SYT1: variants seen among roughly 807,000 people sequenced by gnomAD.
The protein encoded by SYT1 is synaptotagmin-1.
SYT1 carries 8 observed loss-of-function variants against 44.8 expected under a neutral mutation model. The observed-to-expected ratio is 0.18, with a 90% CI of 0.10 to 0.32. The LOEUF (loss-of-function observed/expected upper bound fraction) is 0.32, where lower values mean the gene tolerates loss of function less well. Among genes scored for constraint, SYT1 ranks in the 10% least tolerant of loss-of-function variants. The pLI, the probability that SYT1 is intolerant of heterozygous loss-of-function variation, is 1.00. For synonymous variants in SYT1, 154 were observed against 188.8 expected (o/e 0.82, Z 1.51); for missense variants, 286 against 509.3 (o/e 0.56, Z 4.22).
At chr12:79,098,542 T>C (rs1878277220) in intron 3 of SYT1, among the ~76,000 whole-genome samples, 2 of 152,154 alleles carry the variant, frequency 1.3e-5, no homozygotes. Context: ...GTTATAAAGA[T>C]GTGGTTTCAA....
intron 8 of SYT1, among the ~76,000 whole-genome samples, chr12:79,316,521 C>A (rs1190667019): frequency 6.6e-6 from 1 of 152,132 alleles, no homozygotes; most frequent in Non-Finnish European, 1.5e-5. Context: ...ATGTATCACA[C>A]TTCTTTAAAG....
At chr12:79,420,826 C>A (rs1265980484) in intron 9 of SYT1, among the ~76,000 whole-genome samples, 1 of 152,088 alleles carries the variant, frequency 6.6e-6, no homozygotes, top group East Asian at 1.9e-4. Context: ...TGTTTTTCTT[C>A]TAGAATAAAA....
intron 3 of SYT1, among the ~76,000 whole-genome samples, chr12:79,170,127 T>C (rs1871430747): frequency 1.3e-5 from 2 of 152,144 alleles, no homozygotes; most frequent in Non-Finnish European, 2.9e-5. Flanking sequence ...ATTCCATATC[T>C]TTGCTATTGT....
intron 4 of SYT1, among the ~76,000 whole-genome samples, chr12:79,224,821 C>A (rs972722359): frequency 8.1e-5 from 12 of 147,886 alleles, no homozygotes; most frequent in African/African-American, 3.0e-4. Flanking sequence ...CTCTTGTTAC[C>A]CAGGCTGGAA....
intron 8 of SYT1, among the ~76,000 whole-genome samples, chr12:79,307,713 T>G (rs941521390): frequency 2.0e-5 from 3 of 152,158 alleles, no homozygotes; most frequent in Non-Finnish European, 4.4e-5. Context: ...GGCAGTCTTC[T>G]GGAGGAGAAG....
intron 8 of SYT1, among the ~76,000 whole-genome samples, chr12:79,331,106 T>C (rs1881835722): frequency 6.6e-6 from 1 of 152,220 alleles, no homozygotes; most frequent in African/African-American, 2.4e-5. Flanking sequence ...AGAAGTGTTC[T>C]TAATTTATAA....
chr12:78,975,203 T>C (rs1181295656), intron 1 of SYT1, among the ~76,000 whole-genome samples: 2 of 151,602 alleles, frequency 1.3e-5, no homozygotes, highest in South Asian at 2.1e-4. Flanking sequence ...GGTTCCTCTG[T>C]TTTCACTCTT....
At chr12:78,976,511 G>A (rs1433515798) in intron 1 of SYT1, 1 of 152,174 alleles carries the variant, frequency 6.6e-6, no homozygotes, top group Non-Finnish European at 1.5e-5. Flanking sequence ...TTGGCGAAGA[G>A]AATGGTTTAA....
intron 9 of SYT1, among the ~76,000 whole-genome samples, chr12:79,414,167 A>C (rs968322217): frequency 3.2e-4 from 49 of 152,204 alleles, no homozygotes; most frequent in Non-Finnish European, 5.0e-4. Context: ...AGCATCATTA[A>C]ATCAAAATGC....
intron 3 of SYT1, among the ~76,000 whole-genome samples, chr12:79,156,830 G>A (rs1251224030): frequency 2.0e-5 from 3 of 152,086 alleles, no homozygotes; most frequent in Non-Finnish European, 4.4e-5. Context: ...ACAACTTAAA[G>A]GTTCTGATTA....
intron 3 of SYT1, among the ~76,000 whole-genome samples, chr12:79,180,771 C>T (rs1353534184): frequency 6.6e-6 from 1 of 151,996 alleles, no homozygotes; most frequent in Admixed American, 6.6e-5. Context: ...CCCTATGATC[C>T]AATCACCTCC....
At chr12:78,923,313 T>A (rs969696725) in intron 1 of SYT1, among the ~76,000 whole-genome samples, 10 of 151,956 alleles carry the variant, frequency 6.6e-5, no homozygotes. Flanking sequence ...GGCAATGCAG[T>A]TTAAGTTCTA....
chr12:79,254,974 T>C (rs1328929998), intron 4 of SYT1, among the ~76,000 whole-genome samples: 1 of 152,220 alleles, frequency 6.6e-6, no homozygotes, highest in African/African-American at 2.4e-5. Flanking sequence ...GTGAAGATAC[T>C]ATGAACATTA....
chr12:79,272,341 C>T (rs569245864), intron 4 of SYT1, among the ~76,000 whole-genome samples: 27 of 152,064 alleles, frequency 1.8e-4, no homozygotes, highest in African/African-American at 3.9e-4. Context: ...TTACAATGAA[C>T]GGGTAAAATG....
intron 1 of SYT1, among the ~76,000 whole-genome samples, chr12:78,938,963 T>C (rs1878210858): frequency 6.6e-6 from 1 of 152,150 alleles, no homozygotes; most frequent in African/African-American, 2.4e-5. Flanking sequence ...CATCTAAAGA[T>C]TTATGGAATG....
intron 3 of SYT1, among the ~76,000 whole-genome samples, chr12:79,102,576 T>C (rs1878503743): frequency 1.3e-5 from 2 of 152,220 alleles, no homozygotes; most frequent in Non-Finnish European, 2.9e-5. Flanking sequence ...TGTAGTGGAA[T>C]GTGAGCACCA....
intron 3 of SYT1, among the ~76,000 whole-genome samples, chr12:79,179,215 G>T (rs866817174): frequency 6.1e-5 from 3 of 49,266 alleles, no homozygotes; most frequent in African/African-American, 5.4e-4. Flanking sequence ...TATAGATATA[G>T]ATATATAGAT....
intron 2 of SYT1, among the ~76,000 whole-genome samples, chr12:79,014,380 C>T (rs1425719701): frequency 1.3e-5 from 2 of 152,064 alleles, no homozygotes; most frequent in African/African-American, 4.8e-5. Flanking sequence ...CATATCATGC[C>T]TATTTTAGTG....
chr12:79,443,545 G>A (rs11114120), intron 9 of SYT1, among the ~76,000 whole-genome samples: 3,473 of 152,298 alleles, frequency 0.023, 149 homozygotes, highest in East Asian at 0.18. Flanking sequence ...GGGCCTAACA[G>A]TGCCTGTCAC....
Sources: gnomAD v4.1 joint callset for allele counts (sites outside exome capture counted in the v4.1 genomes callset) on GRCh38, gnomAD v4.1.1 for gene constraint, MANE v1.5 for transcripts, NCBI Gene and HGNC (gene_info 2026-07-23, HGNC 2026-07-21) for gene names.